The following FOXP2 variants were observed in gnomAD, a reference collection of about 807,000 sequenced individuals.
FOXP2 encodes the protein forkhead box P2.
In FOXP2, 12 loss-of-function variants were observed where a neutral mutation model predicts 115.8. The observed-to-expected ratio is 0.10, with a 90% CI of 0.07 to 0.17. FOXP2 has a LOEUF of 0.17. Ranked by LOEUF, FOXP2 falls within the 10% of genes least tolerant of loss-of-function variation. FOXP2 has a pLI of 1.00. For synonymous variants in FOXP2, 328 were observed against 297.7 expected, an observed-to-expected ratio of 1.10 and a Z score of -1.05; for missense variants, 629 against 843.5, an observed-to-expected ratio of 0.75 and a Z score of 3.15.
intron 16 of FOXP2, 78 bp from the exon 17 acceptor site, chr7:114,689,704 A>T: frequency 6.8e-7 from 1 of 1,474,080 alleles, no homozygotes; most frequent in Non-Finnish European, 9.4e-7. Context: ...TTTTCAGTTG[A>T]CCTCTTCACT....
At chr7:114,389,779 T>A (rs965301126) in intron 2 of FOXP2, among the ~76,000 whole-genome samples, 3 of 152,072 alleles carry the variant, frequency 2.0e-5, no homozygotes, top group African/African-American at 7.2e-5. Flanking sequence ...ATCCCAGCAC[T>A]TTGGGAGGCC....
chr7:114,523,397 T>C (rs1488489316), intron 2 of FOXP2, among the ~76,000 whole-genome samples: 1 of 152,162 alleles, frequency 6.6e-6, no homozygotes, highest in East Asian at 1.9e-4. Context: ...CAAATGGTTT[T>C]TCCCTCACCA....
At chr7:114,322,742 T>C (rs1383692823) in intron 2 of FOXP2, among the ~76,000 whole-genome samples, 5 of 152,210 alleles carry the variant, frequency 3.3e-5, no homozygotes, top group Non-Finnish European at 5.9e-5. Flanking sequence ...CATACAAACC[T>C]AGTAGTCACA....
intron 3 of FOXP2, among the ~76,000 whole-genome samples, chr7:114,617,255 T>C (rs1803999303): frequency 6.6e-6 from 1 of 152,216 alleles, no homozygotes; most frequent in African/African-American, 2.4e-5. Flanking sequence ...TCTTTTCAGA[T>C]GCCTTTGAAT....
chr7:114,624,920 A>C (rs570059476), intron 3 of FOXP2, among the ~76,000 whole-genome samples: 2 of 151,450 alleles, frequency 1.3e-5, no homozygotes, highest in East Asian at 1.9e-4. Flanking sequence ...ATAATACCTA[A>C]ATTTTTTTTT....
intron 2 of FOXP2, chr7:114,297,317 G>A (rs973404825): frequency 1.7e-6 from 1 of 574,684 alleles, no homozygotes; most frequent in African/African-American, 1.9e-5. Context: ...ACGCAAACTT[G>A]GTGTGCTTGG....
At chr7:114,684,029 C>A (rs903231082) in intron 16 of FOXP2, among the ~76,000 whole-genome samples, 2 of 152,020 alleles carry the variant, frequency 1.3e-5, no homozygotes, top group Non-Finnish European at 2.9e-5. Flanking sequence ...TTTAGTCATT[C>A]TTTTAAAAAA....
At chr7:114,343,579 A>G (rs1436116382) in intron 2 of FOXP2, among the ~76,000 whole-genome samples, 1 of 151,680 alleles carries the variant, frequency 6.6e-6, no homozygotes, top group Admixed American at 6.6e-5. Context: ...ATTATGCCAC[A>G]GTTTTTTAAA....
chr7:114,102,615 T>TA (rs903337536), intron 1 of FOXP2, among the ~76,000 whole-genome samples: 45 of 151,316 alleles, frequency 3.0e-4, no homozygotes, highest in African/African-American at 1.0e-3. Flanking sequence ...AACCCATTCT[T>TA]ACCTCACCAT....
chr7:114,527,068 T>A (rs1798917003), intron 2 of FOXP2, among the ~76,000 whole-genome samples: 1 of 151,896 alleles, frequency 6.6e-6, no homozygotes, highest in African/African-American at 2.4e-5. Context: ...CAGTATATGA[T>A]TTTTGTTACT....
chr7:114,367,995 T>C (rs1294282500), intron 2 of FOXP2, among the ~76,000 whole-genome samples: 2 of 152,210 alleles, frequency 1.3e-5, no homozygotes, highest in Non-Finnish European at 2.9e-5. Flanking sequence ...ATTAGTGAAA[T>C]AGACACATTT....
chr7:114,367,062 A>T (rs1181799927), intron 2 of FOXP2, among the ~76,000 whole-genome samples: 1 of 152,112 alleles, frequency 6.6e-6, no homozygotes, highest in African/African-American at 2.4e-5. Flanking sequence ...AACTTACAAT[A>T]TGTATGTTTC....
In FOXP2 at chr7:114,176,697, G is replaced by A. The variant is rs559395421; in HGVS notation, c.-102+13609G>A. ...TTTTTTTTTTTTGTAAGCTTTTATT[G>A]AATTTTAACTTACATATGGAAAGCT... On this transcript the variant is annotated intron_variant, in intron 1 of 17. Coordinates refer to the FOXP2 transcript ENST00000634411. Among the ~76,000 whole-genome samples the A allele has an allele frequency of 3.5e-5, 4 of 113,110 alleles. No homozygotes were observed. In the South Asian group the frequency reaches 1.1e-3, roughly 32 times the overall value. 74.2% of individuals were successfully genotyped at this position (113,110 alleles called of 152,430 possible).
At chr7:114,479,993 C>T (rs1250503826) in intron 2 of FOXP2, among the ~76,000 whole-genome samples, 3 of 151,422 alleles carry the variant, frequency 2.0e-5, no homozygotes, top group Admixed American at 6.6e-5. Context: ...CCGTCTGCTT[C>T]TTTCTATAAT....
intron 2 of FOXP2, among the ~76,000 whole-genome samples, chr7:114,322,745 T>A (rs1199855087): frequency 6.6e-6 from 1 of 152,330 alleles, no homozygotes; most frequent in Non-Finnish European, 1.5e-5. Flanking sequence ...ACAAACCTAG[T>A]AGTCACATTT....
intron 2 of FOXP2, among the ~76,000 whole-genome samples, chr7:114,468,443 G>A (rs1359495992): frequency 1.3e-5 from 2 of 152,092 alleles, no homozygotes; most frequent in Non-Finnish European, 2.9e-5. Flanking sequence ...TACTTAAGGT[G>A]ACATTGACAT....
intron 3 of FOXP2, among the ~76,000 whole-genome samples, chr7:114,586,447 A>G (rs1802134699): frequency 6.6e-6 from 1 of 152,098 alleles, no homozygotes; most frequent in South Asian, 2.1e-4. Context: ...ATTTATAAAT[A>G]CCTTATTATA....
chr7:114,616,607 T>C (rs1803965557), intron 3 of FOXP2, among the ~76,000 whole-genome samples: 1 of 152,216 alleles, frequency 6.6e-6, no homozygotes, highest in African/African-American at 2.4e-5. Flanking sequence ...GGGGATTCAA[T>C]TAAATATTTC....
chr7:114,555,455 T>C (rs1465238539), intron 3 of FOXP2, among the ~76,000 whole-genome samples: 1 of 152,228 alleles, frequency 6.6e-6, no homozygotes, highest in Non-Finnish European at 1.5e-5. Context: ...TATCTTTTCT[T>C]GAATGTCTTC....
Sources: gnomAD v4.1 joint callset for allele counts (sites outside exome capture counted in the v4.1 genomes callset) on GRCh38, gnomAD v4.1.1 for gene constraint, MANE v1.5 for transcripts, NCBI Gene and HGNC (gene_info 2026-07-23, HGNC 2026-07-21) for gene names.